Variants in CD1B observed in about 807,000 individuals in gnomAD.
CD1B encodes the protein T-cell surface glycoprotein CD1b.
CD1B carries 43 observed loss-of-function variants against 39.8 expected under a neutral mutation model. The ratio of observed to expected loss-of-function variants is 1.08; its 90% CI spans 0.85 to 1.39. The LOEUF is 1.39. Among genes scored for constraint, CD1B ranks in the 40% most tolerant of loss-of-function variants. CD1B has a pLI of 0.00. For missense variants in CD1B, 495 were observed against 403.8 expected (o/e 1.23, Z -1.94); for synonymous variants, 192 against 152.5 (o/e 1.26, Z -1.91).
At chr1:158,308,441 A>C in the CD1B span, among the ~76,000 whole-genome samples, 1 of 152,348 alleles carries the variant, frequency 6.6e-6, no homozygotes. Flanking sequence ...CATCTCCATC[A>C]AGTTACCAAT....
the CD1B span, among the ~76,000 whole-genome samples, chr1:158,307,815 G>A: frequency 3.3e-5 from 5 of 152,156 alleles, no homozygotes; most frequent in South Asian, 2.1e-4. Flanking sequence ...CAATAAATTA[G>A]GTATTGATGG....
chr1:158,292,899 G>T, the CD1B span: 1 of 1,610,228 alleles, frequency 6.2e-7, no homozygotes, highest in South Asian at 1.1e-5. Flanking sequence ...TGGAAGTGTA[G>T]GTAGGTGGTT....
the CD1B span, chr1:158,290,141 T>C: frequency 6.2e-7 from 1 of 1,612,310 alleles, no homozygotes; most frequent in South Asian, 1.1e-5. Context: ...AACATCGCTG[T>C]CAGCTGCAAG....
chr1:158,297,623 C>T, the CD1B span, among the ~76,000 whole-genome samples: 2 of 152,006 alleles, frequency 1.3e-5, no homozygotes, highest in Admixed American at 6.6e-5. Flanking sequence ...AGCTAAACAC[C>T]CCAAGACACA....
the CD1B span, among the ~76,000 whole-genome samples, chr1:158,297,687 C>G: frequency 2.0e-5 from 3 of 152,148 alleles, no homozygotes; most frequent in Non-Finnish European, 4.4e-5. Flanking sequence ...GTAATCCTAA[C>G]ACTTTGAGGC....
chr1:158,293,076 T>C, the CD1B span: 1 of 913,124 alleles, frequency 1.1e-6, no homozygotes, highest in African/African-American at 1.7e-5. Flanking sequence ...CTTGAGTAAG[T>C]TTTGGAATAG....
chr1:158,289,987 A>G, the CD1B span: 1 of 1,301,870 alleles, frequency 7.7e-7, no homozygotes, highest in Non-Finnish European at 1.1e-6. Context: ...GTCAGAATAT[A>G]GGTACAGAGG....
the CD1B span, among the ~76,000 whole-genome samples, chr1:158,313,214 C>T: frequency 6.6e-6 from 1 of 152,156 alleles, no homozygotes; most frequent in Non-Finnish European, 1.5e-5. Flanking sequence ...ATTTTAAAGG[C>T]TGGTCTTTTA....
At chr1:158,308,402 C>A in the CD1B span, among the ~76,000 whole-genome samples, 1 of 152,172 alleles carries the variant, frequency 6.6e-6, no homozygotes, top group South Asian at 2.1e-4. Flanking sequence ...AATGGCCATA[C>A]TGCCCAAGGT....
chr1:158,297,061 C>A, the CD1B span, among the ~76,000 whole-genome samples: 1 of 152,070 alleles, frequency 6.6e-6, no homozygotes, highest in Non-Finnish European at 1.5e-5. Flanking sequence ...TTCTCAACTT[C>A]ACTATAGAGG....
the CD1B span, among the ~76,000 whole-genome samples, chr1:158,306,037 A>C: frequency 1.3e-5 from 2 of 152,202 alleles, no homozygotes; most frequent in African/African-American, 2.4e-5. Context: ...TGAGCAAAAT[A>C]ACCACCTAAC....
chr1:158,317,921 C>A, the CD1B span, among the ~76,000 whole-genome samples: 2 of 152,138 alleles, frequency 1.3e-5, no homozygotes, highest in South Asian at 4.1e-4. Flanking sequence ...TCATTATGTA[C>A]CCAGTAGTCA....
the CD1B span, among the ~76,000 whole-genome samples, chr1:158,321,486 A>G: frequency 3.9e-5 from 6 of 152,340 alleles, 1 homozygote; most frequent in South Asian, 1.2e-3. Flanking sequence ...TTAATAGGAA[A>G]ATTTAATCCA....
chr1:158,329,178 C>T lies in CD1B; in HGVS notation c.887-164G>A, dbSNP rs571507532. ...CCTTTGATCCCCTCTACCCAGTTTA[C>T]AGGTCCTTAATTCCTACATTTTTGA... On this transcript the variant is annotated intron_variant, in intron 4 of 5. Coordinates refer to ENST00000368168, the MANE Select transcript of CD1B (RefSeq NM_001764.3). Among the ~76,000 whole-genome samples, 3 of 152,176 alleles carry T rather than the reference C, an allele frequency of 2.0e-5. No homozygotes were observed. The East Asian group carries it at 5.8e-4, about 29-fold the overall frequency.
chr1:158,330,109 A>G lies in CD1B; in HGVS notation c.350T>C (p.Ile117Thr), dbSNP rs747688005. ...QMKYPFEIQG[I>T]AGCELHSGGA... ...TCCAGAATGTAGCTCACAGCCTGCT[A>G]TGCCCTGGATCTCAAAGGGGTCTAT... is the stretch of plus-strand genomic sequence containing the variant. The change falls in exon 3 of 6, where the codon ATA becomes ACA. Residue 117 changes from isoleucine (I) to threonine (T), a missense_variant. Ile to Thr is a moderately conservative substitution (Grantham distance 89, BLOSUM62 -1). Transcript: ENST00000368168. 3.7e-6 allele frequency: 6 copies of G among 1,613,468 alleles called. No homozygotes were observed. Among genetic ancestry groups the G allele is most frequent in the South Asian group, 2.2e-5 (2 of 91,000 alleles).
At chr1:158,313,656 G>A in the CD1B span, among the ~76,000 whole-genome samples, 8 of 152,042 alleles carry the variant, frequency 5.3e-5, no homozygotes, top group Non-Finnish European at 7.4e-5. Flanking sequence ...TTTTTATATC[G>A]GGCTAATGAA....
chr1:158,326,457 A>G (rs772122847), downstream of CD1B, among the ~76,000 whole-genome samples: 1 of 152,208 alleles, frequency 6.6e-6, no homozygotes, highest in African/African-American at 2.4e-5. Flanking sequence ...GGTTTATGAA[A>G]CATCAACTAA....
the CD1B span, chr1:158,289,831 A>T: frequency 2.1e-6 from 1 of 471,708 alleles, no homozygotes; most frequent in South Asian, 3.7e-5. Context: ...TTAGTGGCAG[A>T]GCAGCTGGAA....
chr1:158,292,686 C>T, the CD1B span: 60 of 1,613,946 alleles, frequency 3.7e-5, no homozygotes, highest in Admixed American at 8.3e-5. Flanking sequence ...TACCCAAAGC[C>T]TGTTTGGGTG....
Sources: allele counts gnomAD v4.1 joint callset (sites outside exome capture counted in the v4.1 genomes callset), GRCh38; gene constraint gnomAD v4.1.1; transcripts MANE v1.5; gene names NCBI Gene and HGNC (gene_info 2026-07-23, HGNC 2026-07-21).